PM20D2: variants seen among roughly 807,000 people sequenced by gnomAD.
PM20D2 encodes the protein xaa-Arg dipeptidase.
A neutral mutation model predicts 42.9 loss-of-function variants in PM20D2; 33 were observed. That is an observed-to-expected ratio of 0.77 (90% CI 0.58 to 1.03). The LOEUF (loss-of-function observed/expected upper bound fraction) is 1.03, where lower values mean the gene tolerates loss of function less well. Among genes scored for constraint, PM20D2 ranks in the 50% least tolerant of loss-of-function variants. PM20D2 has a pLI of 0.00. For missense variants in PM20D2, 548 were observed against 557.0 expected, an observed-to-expected ratio of 0.98 and a Z score of 0.16; for synonymous variants, 250 against 228.2, an observed-to-expected ratio of 1.10 and a Z score of -0.86.
In PM20D2 at chr6:89,163,153, C is replaced by G. The variant is rs1771302110; in HGVS notation, c.*890C>G. ...TATTGCTTACTCTGAATATTCAGTACTTTTTGAATAAGCAAATATTGCTTC... is the reference window on the plus strand; with the variant it reads ...TATTGCTTACTCTGAATATTCAGTAGTTTTTGAATAAGCAAATATTGCTTC... On this transcript the variant is annotated 3_prime_UTR_variant, in exon 7 of 7. Coordinates refer to ENST00000275072, the MANE Select transcript of PM20D2 (RefSeq NM_001010853.3). The G allele has an allele frequency of 6.6e-6, 1 of 152,022 alleles. No homozygotes were observed. The highest frequency in any genetic ancestry group is 2.4e-5 in the African/African-American group (1 of 41,386). The allele number at this position is 152,022 out of a possible 1,614,324, so 9.4% of individuals were successfully genotyped here.
the PM20D2 span, chr6:89,105,682 C>T: frequency 5.5e-5 from 28 of 511,844 alleles, no homozygotes; most frequent in South Asian, 9.8e-4. Context: ...AGAAAAAAAA[C>T]TTTCACTTTT....
At chr6:89,151,668 A>G (rs979932428) in intron 2 of PM20D2, among the ~76,000 whole-genome samples, 2 of 152,194 alleles carry the variant, frequency 1.3e-5, no homozygotes, top group South Asian at 4.1e-4. Context: ...TAAATTGTGA[A>G]AGAAGGTTTT....
chr6:89,124,364 C>G, the PM20D2 span, among the ~76,000 whole-genome samples: 1 of 152,180 alleles, frequency 6.6e-6, no homozygotes, highest in Non-Finnish European at 1.5e-5. Context: ...AATAGTACCA[C>G]CACTGGTGAG....
chr6:89,099,456 GTATATA>G, the PM20D2 span, among the ~76,000 whole-genome samples: 1 of 141,316 alleles, frequency 7.1e-6, no homozygotes, highest in Non-Finnish European at 1.5e-5. Flanking sequence ...ATATATGTGT[GTATATA>G]TGTGTGTGTA....
chr6:89,135,600 G>A, the PM20D2 span, among the ~76,000 whole-genome samples: 1 of 150,930 alleles, frequency 6.6e-6, no homozygotes, highest in Non-Finnish European at 1.5e-5. Context: ...CTTCCAGTGA[G>A]TGACATGTTA....
the PM20D2 span, among the ~76,000 whole-genome samples, chr6:89,104,913 C>T: frequency 1.3e-5 from 2 of 151,794 alleles, no homozygotes; most frequent in East Asian, 3.9e-4. Context: ...AAAATTAGCC[C>T]AGTGTGGTGG....
chr6:89,121,948 T>C, the PM20D2 span, among the ~76,000 whole-genome samples: 13 of 152,210 alleles, frequency 8.5e-5, no homozygotes, highest in Non-Finnish European at 1.5e-4. Flanking sequence ...GTAAATACAT[T>C]TTAAACTTTT....
At chr6:89,117,727 T>A in the PM20D2 span, 69 of 1,253,518 alleles carry the variant, frequency 5.5e-5, no homozygotes, top group Middle Eastern at 5.7e-4. Context: ...TCCGCGCAGC[T>A]CCCCCGAGCC....
chr6:89,104,887 T>C, the PM20D2 span, among the ~76,000 whole-genome samples: 1 of 151,826 alleles, frequency 6.6e-6, no homozygotes, highest in Non-Finnish European at 1.5e-5. Flanking sequence ...ACCTCCAATC[T>C]CTACAAAAAA....
intron 1 of PM20D2, among the ~76,000 whole-genome samples, chr6:89,147,676 G>T (rs1770640551): frequency 6.6e-6 from 1 of 151,436 alleles, no homozygotes; most frequent in African/African-American, 2.4e-5. Flanking sequence ...GAGGTCTGGA[G>T]TTCGAGACCC....
At chr6:89,112,132 C>A in the PM20D2 span, among the ~76,000 whole-genome samples, 4 of 151,944 alleles carry the variant, frequency 2.6e-5, no homozygotes, top group Non-Finnish European at 5.9e-5. Context: ...CTCAGCCTGC[C>A]GAGTAGCTGG....
the PM20D2 span, among the ~76,000 whole-genome samples, chr6:89,137,101 A>C: frequency 2.0e-5 from 3 of 151,208 alleles, no homozygotes; most frequent in Non-Finnish European, 2.9e-5. Flanking sequence ...AAACTTTACC[A>C]ACAATTGCTG....
rs541624190 is a variant in PM20D2, at chr6:89,155,654, A to G, written c.912+752A>G. Among the ~76,000 whole-genome samples the G allele has an allele frequency of 5.3e-5, 8 of 152,200 alleles. No individual in the cohort carries two copies. In the East Asian group the frequency reaches 1.5e-3, roughly 29 times the overall value. ...GATATAAATACTATGGCTTGCTGGA[A>G]TGGAAGATAAAATAGACACAGAAGT... On this transcript the variant is annotated intron_variant, in intron 4 of 6. Transcript: ENST00000275072.
intron 1 of PM20D2, among the ~76,000 whole-genome samples, chr6:89,147,461 C>T (rs1453928264): frequency 6.6e-6 from 1 of 152,062 alleles, no homozygotes; most frequent in African/African-American, 2.4e-5. Flanking sequence ...TTCACTTTAG[C>T]TGCCTTCTTT....
At chr6:89,115,015 C>A in the PM20D2 span, among the ~76,000 whole-genome samples, 1 of 152,098 alleles carries the variant, frequency 6.6e-6, no homozygotes, top group Non-Finnish European at 1.5e-5. Flanking sequence ...CCAGGCTGGT[C>A]TCAAACTCCT....
At chr6:89,098,475 A>C in the PM20D2 span, 1 of 1,406,174 alleles carries the variant, frequency 7.1e-7, no homozygotes, top group South Asian at 1.6e-5. Context: ...AAAGTAACTA[A>C]TATCAACTCG....
chr6:89,134,292 A>G, the PM20D2 span, among the ~76,000 whole-genome samples: 1 of 151,146 alleles, frequency 6.6e-6, no homozygotes, highest in Admixed American at 6.5e-5. Flanking sequence ...ACTCCTCTAC[A>G]TTCCTATGCA....
chr6:89,098,852 C>T, the PM20D2 span: 2 of 1,613,920 alleles, frequency 1.2e-6, no homozygotes, highest in South Asian at 2.2e-5. Context: ...AAAATTCCTT[C>T]TTGGAGTTCT....
At chr6:89,144,368 T>C (rs1187849775), upstream of PM20D2, among the ~76,000 whole-genome samples, 2 of 152,134 alleles carry the variant, frequency 1.3e-5, no homozygotes, top group East Asian at 1.9e-4. Context: ...GCAGGCAGAG[T>C]TGCTGCAGTA....
Sources: allele counts gnomAD v4.1 joint callset (sites outside exome capture counted in the v4.1 genomes callset), GRCh38; gene constraint gnomAD v4.1.1; transcripts MANE v1.5; gene names NCBI Gene and HGNC (gene_info 2026-07-23, HGNC 2026-07-21).